The following PITPNC1 variants were observed in gnomAD, a reference collection of about 807,000 sequenced individuals.
PITPNC1 encodes the protein cytoplasmic phosphatidylinositol transfer protein 1.
A neutral mutation model predicts 44.7 loss-of-function variants in PITPNC1; 18 were observed. The ratio of observed to expected loss-of-function variants is 0.40; its 90% CI spans 0.28 to 0.60. The LOEUF (loss-of-function observed/expected upper bound fraction) is 0.60, where lower values mean the gene tolerates loss of function less well. Among genes scored for constraint, PITPNC1 ranks in the 20% least tolerant of loss-of-function variants. The pLI, the probability that PITPNC1 is intolerant of heterozygous loss-of-function variation, is 0.39. For missense variants in PITPNC1, 290 were observed against 418.4 expected (o/e 0.69, Z 2.68); for synonymous variants, 141 against 149.6 (o/e 0.94, Z 0.42).
chr17:67,515,627 C>T (rs977512100), intron 1 of PITPNC1, among the ~76,000 whole-genome samples: 3 of 152,146 alleles, frequency 2.0e-5, no homozygotes, highest in Non-Finnish European at 2.9e-5. Flanking sequence ...GGCGTGGAGC[C>T]GGCTGCCTTT....
chr17:67,469,344 G>T (rs912270243), intron 1 of PITPNC1, among the ~76,000 whole-genome samples: 1 of 152,276 alleles, frequency 6.6e-6, no homozygotes, highest in East Asian at 1.9e-4. Context: ...TGTGGTCTCC[G>T]TTTTGAGCTC....
rs1446868007 is a variant in PITPNC1 at position 67,479,602 on chromosome 17, C to T, written c.49-53200C>T. ...TTTCTCATAGAATGCCATACGGCTTCTTGGAACAAAGGACAAACGGGTAGA... is the reference window on the plus strand; with the variant it reads ...TTTCTCATAGAATGCCATACGGCTTTTTGGAACAAAGGACAAACGGGTAGA... On this transcript the variant is annotated intron_variant, in intron 1 of 8. Coordinates refer to ENST00000581322, the MANE Select transcript of PITPNC1 (RefSeq NM_012417.4). Among the ~76,000 whole-genome samples the T allele has an allele frequency of 4.6e-5, 7 of 152,076 alleles. No individual in the cohort carries two copies. The East Asian group carries it at 1.4e-3, about 29-fold the overall frequency.
chr17:67,417,778 C>T (rs2038609791), intron 1 of PITPNC1, among the ~76,000 whole-genome samples: 1 of 152,068 alleles, frequency 6.6e-6, no homozygotes, highest in Non-Finnish European at 1.5e-5. Context: ...TGCGGTGGCT[C>T]CTGTCTGTAA....
At chr17:67,666,490 A>C (rs919889209) in intron 6 of PITPNC1, among the ~76,000 whole-genome samples, 1 of 152,194 alleles carries the variant, frequency 6.6e-6, no homozygotes, top group Non-Finnish European at 1.5e-5. Context: ...GGTCCGGAAA[A>C]GATGCCAGAA....
chr17:67,507,459 C>T (rs1214028491), intron 1 of PITPNC1, among the ~76,000 whole-genome samples: 2 of 151,894 alleles, frequency 1.3e-5, no homozygotes, highest in Non-Finnish European at 2.9e-5. Context: ...TAGAGGTAGG[C>T]GGATCACTTT....
intron 1 of PITPNC1, among the ~76,000 whole-genome samples, chr17:67,435,216 T>C (rs1049911588): frequency 1.3e-5 from 2 of 151,748 alleles, no homozygotes; most frequent in African/African-American, 4.8e-5. Context: ...AGTTACTTCA[T>C]CTGTAAAACG....
intron 5 of PITPNC1, among the ~76,000 whole-genome samples, chr17:67,602,193 G>T (rs1183428505): frequency 6.6e-6 from 1 of 152,192 alleles, no homozygotes; most frequent in Non-Finnish European, 1.5e-5. Context: ...TGTCTTCAGG[G>T]TAGGTTCAGC....
intron 4 of PITPNC1, among the ~76,000 whole-genome samples, chr17:67,575,787 T>C (rs1206751771): frequency 3.0e-3 from 271 of 91,388 alleles, no homozygotes; most frequent in African/African-American, 8.9e-3. Flanking sequence ...CTTTCTTTTC[T>C]TTCTTTCCTT....
chr17:67,444,936 C>T (rs1026810664), intron 1 of PITPNC1, among the ~76,000 whole-genome samples: 3 of 151,714 alleles, frequency 2.0e-5, no homozygotes, highest in Non-Finnish European at 4.4e-5. Context: ...TATTAGTGTG[C>T]GCTGTGGGAG....
At chr17:67,577,140 G>T (rs750237604) in intron 4 of PITPNC1, among the ~76,000 whole-genome samples, 2 of 151,836 alleles carry the variant, frequency 1.3e-5, no homozygotes, top group Non-Finnish European at 2.9e-5. Context: ...TTAAAAATCC[G>T]CCAGGCATGG....
At chr17:67,594,355 A>G (rs189023836) in intron 5 of PITPNC1, among the ~76,000 whole-genome samples, 2 of 152,240 alleles carry the variant, frequency 1.3e-5, no homozygotes, top group East Asian at 3.9e-4. Context: ...GGACTCTTGG[A>G]GATCCACAAA....
intron 1 of PITPNC1, among the ~76,000 whole-genome samples, chr17:67,388,725 A>G (rs935586865): frequency 1.3e-5 from 2 of 151,934 alleles, no homozygotes; most frequent in African/African-American, 2.4e-5. Context: ...GGTTCAAGCA[A>G]TCCTCCCGCC....
chr17:67,380,774 CTT>C (rs869140380), intron 1 of PITPNC1, among the ~76,000 whole-genome samples: 3 of 148,208 alleles, frequency 2.0e-5, no homozygotes, highest in Admixed American at 6.8e-5. Context: ...GGAAGCCTAA[CTT>C]TTTTTTTTTC....
chr17:67,396,990 T>C (rs997820878), intron 1 of PITPNC1, among the ~76,000 whole-genome samples: 6 of 152,114 alleles, frequency 3.9e-5, no homozygotes, highest in Non-Finnish European at 2.9e-5. Flanking sequence ...TTTATTTATT[T>C]ATTTTTTGAG....
At chr17:67,460,295 C>T (rs748231730) in intron 1 of PITPNC1, among the ~76,000 whole-genome samples, 11 of 152,136 alleles carry the variant, frequency 7.2e-5, no homozygotes, top group South Asian at 4.1e-4. Context: ...GCACTCACTC[C>T]GCTGCAGGGT....
intron 5 of PITPNC1, among the ~76,000 whole-genome samples, chr17:67,607,156 C>T (rs2041618719): frequency 6.6e-6 from 1 of 152,228 alleles, no homozygotes; most frequent in Non-Finnish European, 1.5e-5. Context: ...TAGGAAGAGA[C>T]ATGCAGTGGT....
At chr17:67,439,305 T>G (rs1302122325) in intron 1 of PITPNC1, among the ~76,000 whole-genome samples, 2 of 152,194 alleles carry the variant, frequency 1.3e-5, no homozygotes, top group Non-Finnish European at 2.9e-5. Context: ...AAAACAGCTG[T>G]GTTTGCTATT....
At chr17:67,561,455 C>CAA (rs554951008) in intron 4 of PITPNC1, among the ~76,000 whole-genome samples, 1 of 134,464 alleles carries the variant, frequency 7.4e-6, no homozygotes. Flanking sequence ...GACTCTGTCT[C>CAA]AAAAAAAAAA....
chr17:67,462,629 C>G (rs1231351233), intron 1 of PITPNC1, among the ~76,000 whole-genome samples: 1 of 151,738 alleles, frequency 6.6e-6, no homozygotes, highest in Non-Finnish European at 1.5e-5. Flanking sequence ...TGCTAGAAAA[C>G]AGATTGCTTT....
Sources: gnomAD v4.1 joint callset for allele counts (sites outside exome capture counted in the v4.1 genomes callset) on GRCh38, gnomAD v4.1.1 for gene constraint, MANE v1.5 for transcripts, NCBI Gene and HGNC (gene_info 2026-07-23, HGNC 2026-07-21) for gene names.